The following ADAMTSL1 variants were observed in gnomAD, a reference collection of about 807,000 sequenced individuals.
ADAMTSL1 encodes ADAMTS like 1.
A neutral mutation model predicts 201.8 loss-of-function variants in ADAMTSL1; 126 were observed. The observed-to-expected ratio is 0.62, with a 90% CI of 0.54 to 0.72. The LOEUF is 0.72. ADAMTSL1 is among the 30% of genes least tolerant of loss of function. ADAMTSL1 has a pLI of 0.00. For synonymous variants in ADAMTSL1, 1,121 were observed against 903.4 expected, an observed-to-expected ratio of 1.24 and a Z score of -4.32; for missense variants, 2,679 against 2,277.8, an observed-to-expected ratio of 1.18 and a Z score of -3.59.
At chr9:18,871,248 C>T (rs944716818) in intron 23 of ADAMTSL1, among the ~76,000 whole-genome samples, 1 of 152,142 alleles carries the variant, frequency 6.6e-6, no homozygotes, top group Non-Finnish European at 1.5e-5. Context: ...TTTTCATAAA[C>T]AAATGAAACC....
chr9:18,336,739 G>T (rs1369285627), intron 2 of ADAMTSL1, among the ~76,000 whole-genome samples: 1 of 152,124 alleles, frequency 6.6e-6, no homozygotes, highest in Non-Finnish European at 1.5e-5. Context: ...GGCACTGTTT[G>T]ACAGTACATG....
intron 2 of ADAMTSL1, among the ~76,000 whole-genome samples, chr9:18,527,803 T>C (rs1241395461): frequency 6.6e-6 from 1 of 152,180 alleles, no homozygotes; most frequent in Non-Finnish European, 1.5e-5. Context: ...AAAATCTGAC[T>C]GGGCAGGAGT....
At chr9:18,551,568 C>G (rs926149443) in intron 3 of ADAMTSL1, among the ~76,000 whole-genome samples, 5 of 139,424 alleles carry the variant, frequency 3.6e-5, no homozygotes, top group African/African-American at 1.3e-4. Flanking sequence ...TTTTTTAAGT[C>G]TACATGCAGT....
intron 15 of ADAMTSL1, among the ~76,000 whole-genome samples, chr9:18,739,895 C>CTGTG (rs1487457581): frequency 1.5e-4 from 16 of 109,212 alleles, no homozygotes; most frequent in African/African-American, 4.3e-4. Flanking sequence ...TACATGTCTA[C>CTGTG]TATCTGTGTG....
intron 1 of ADAMTSL1, among the ~76,000 whole-genome samples, chr9:17,917,663 T>G (rs941680732): frequency 6.6e-6 from 1 of 152,040 alleles, no homozygotes; most frequent in African/African-American, 2.4e-5. Context: ...TCTTGAAATA[T>G]CTTTGGTTTT....
chr9:18,191,476 G>A (rs896513428), intron 2 of ADAMTSL1, among the ~76,000 whole-genome samples: 6 of 152,252 alleles, frequency 3.9e-5, no homozygotes, highest in East Asian at 1.9e-4. Flanking sequence ...AGGCATAAAC[G>A]TCAGAGAAGG....
At chr9:18,317,950 G>T (rs902610931) in intron 2 of ADAMTSL1, among the ~76,000 whole-genome samples, 1 of 152,182 alleles carries the variant, frequency 6.6e-6, no homozygotes. Context: ...GCTGCTTAGT[G>T]CAGGACAATA....
chr9:17,956,700 G>C (rs78064376), intron 1 of ADAMTSL1, among the ~76,000 whole-genome samples: 1 of 152,048 alleles, frequency 6.6e-6, no homozygotes, highest in South Asian at 2.1e-4. Context: ...AGTCACTAAG[G>C]CCAGCTTAGG....
intron 1 of ADAMTSL1, among the ~76,000 whole-genome samples, chr9:18,067,736 G>C (rs1822772513): frequency 6.6e-6 from 1 of 152,180 alleles, no homozygotes; most frequent in Non-Finnish European, 1.5e-5. Flanking sequence ...GTCTTGTCTG[G>C]AGGCGGTGAT....
At chr9:18,845,723 G>A (rs1826062337) in intron 23 of ADAMTSL1, among the ~76,000 whole-genome samples, 1 of 152,196 alleles carries the variant, frequency 6.6e-6, no homozygotes, top group African/African-American at 2.4e-5. Flanking sequence ...CAAGGCTCTT[G>A]TTGACCCTAA....
intron 2 of ADAMTSL1, among the ~76,000 whole-genome samples, chr9:18,194,115 T>A (rs1267214171): frequency 6.6e-6 from 1 of 151,948 alleles, no homozygotes; most frequent in African/African-American, 2.4e-5. Context: ...AAAATAGGGT[T>A]CTGAGAAGTA....
intron 1 of ADAMTSL1, among the ~76,000 whole-genome samples, chr9:18,124,533 C>T (rs1564013222): frequency 6.6e-6 from 1 of 152,070 alleles, no homozygotes; most frequent in Admixed American, 6.6e-5. Context: ...TCTGTGGGCT[C>T]TCTTTTTACT....
At chr9:18,114,802 C>T (rs1206540361) in intron 1 of ADAMTSL1, among the ~76,000 whole-genome samples, 3 of 152,126 alleles carry the variant, frequency 2.0e-5, no homozygotes, top group Non-Finnish European at 4.4e-5. Context: ...GGAAAAAGCA[C>T]GTCTAAAGAC....
chr9:18,513,058 C>T (rs1818128398), intron 2 of ADAMTSL1, among the ~76,000 whole-genome samples: 1 of 152,166 alleles, frequency 6.6e-6, no homozygotes, highest in African/African-American at 2.4e-5. Context: ...AGACTTAGAC[C>T]TAGACTGAGC....
chr9:17,969,515 A>G (rs568886393), intron 1 of ADAMTSL1, among the ~76,000 whole-genome samples: 1 of 152,130 alleles, frequency 6.6e-6, no homozygotes, highest in Admixed American at 6.6e-5. Context: ...TTAAGGTCAT[A>G]TACAGCAATA....
At position 17,956,234 on chromosome 9, in the gene ADAMTSL1, G is replaced by A. The variant is rs566174980; in HGVS notation, c.87+49312G>A. On this transcript the variant is annotated intron_variant, in intron 1 of 29. Coordinates refer to the ADAMTSL1 transcript ENST00000680146. ...TTGGAGGTCTTCTGTGGTAAATGCC[G>A]TCAGTGTTTTGCAGAGAGATGATCT... 5.9e-5 allele frequency among the ~76,000 whole-genome samples: 9 copies of A among 152,172 alleles called. No homozygotes were observed. The South Asian group carries it at 8.3e-4, about 14-fold the overall frequency.
chr9:18,100,650 T>C (rs181279667), intron 1 of ADAMTSL1, among the ~76,000 whole-genome samples: 5 of 152,290 alleles, frequency 3.3e-5, no homozygotes, highest in African/African-American at 9.6e-5. Context: ...TTCTGTGAAA[T>C]TTTGATTCCA....
At chr9:18,617,473 A>C (rs1825763899) in intron 4 of ADAMTSL1, among the ~76,000 whole-genome samples, 1 of 128,824 alleles carries the variant, frequency 7.8e-6, no homozygotes, top group South Asian at 2.8e-4. Context: ...ATTGGATGCT[A>C]TGATCCTAGT....
chr9:18,349,754 G>A (rs79015293), intron 2 of ADAMTSL1, among the ~76,000 whole-genome samples: 12,657 of 152,054 alleles, frequency 0.083, 721 homozygotes, highest in Non-Finnish European at 0.12. Flanking sequence ...CCTGCCTGAG[G>A]CACAAGCCCT....
Sources: allele counts gnomAD v4.1 joint callset (sites outside exome capture counted in the v4.1 genomes callset), GRCh38; gene constraint gnomAD v4.1.1; transcripts MANE v1.5; gene names NCBI Gene and HGNC (gene_info 2026-07-23, HGNC 2026-07-21).